ALS2: variants seen among roughly 807,000 people sequenced by gnomAD.
ALS2 encodes the protein alsin.
Under a neutral mutation model 203.4 loss-of-function variants are expected in ALS2, and 117 were observed. That is an observed-to-expected ratio of 0.58 (90% confidence interval 0.50 to 0.67). The LOEUF is 0.67. ALS2 is among the 30% of genes least tolerant of loss of function. The pLI is 0.00. For missense variants in ALS2, 1,715 were observed against 1,989.4 expected, an observed-to-expected ratio of 0.86 and a Z score of 2.62; for synonymous variants, 718 against 725.9, an observed-to-expected ratio of 0.99 and a Z score of 0.17.
Position 201,729,204 on chromosome 2 carries a change from AG to A in ALS2, c.2581-22del, listed in dbSNP as rs754172732. 5.8e-5 allele frequency: 93 copies of A among 1,608,738 alleles called. No homozygotes were observed. The African/African-American group carries it at 5.9e-4, about 10-fold the overall frequency. ...GATGCCTACAGGGCAAAAATTAAAGAGGAAAAAAAAAAAAAGAACATAAAAC... is the reference window on the plus strand; with the variant it reads ...GATGCCTACAGGGCAAAAATTAAAGAGAAAAAAAAAAAAAGAACATAAAAC... On this transcript the variant is annotated intron_variant, in intron 13 of 33. Coordinates refer to ENST00000264276, the MANE Select transcript of ALS2 (RefSeq NM_020919.4).
At chr2:201,745,944 G>C (rs1692613729) in intron 9 of ALS2, among the ~76,000 whole-genome samples, 1 of 152,044 alleles carries the variant, frequency 6.6e-6, no homozygotes, top group Non-Finnish European at 1.5e-5. Flanking sequence ...GCAAGACTCA[G>C]TCTCAAAAAA....
chr2:201,729,283 T>C (rs1401975438), intron 13 of ALS2, 100 bp from the exon 14 acceptor site: 5 of 1,373,044 alleles, frequency 3.6e-6, no homozygotes, highest in African/African-American at 2.9e-5. Flanking sequence ...GTATTAAATG[T>C]AGGAGAAAAT....
intron 12 of ALS2, among the ~76,000 whole-genome samples, chr2:201,737,465 T>C (rs775641180): frequency 2.6e-5 from 4 of 152,184 alleles, no homozygotes; most frequent in Non-Finnish European, 4.4e-5. Flanking sequence ...ATTATAAAAA[T>C]TCCTCTACAA....
chr2:201,727,384 T>C (rs1691252422), intron 16 of ALS2, 106 bp from the exon 17 acceptor site: 1 of 999,220 alleles, frequency 1.0e-6, no homozygotes, highest in South Asian at 1.3e-5. Flanking sequence ...GGAACAGAAA[T>C]CAATTAATGT....
At chr2:201,757,368 A>G (rs1419920877) in intron 5 of ALS2, 34 bp downstream of exon 5, 2 of 1,580,900 alleles carry the variant, frequency 1.3e-6, no homozygotes, top group Non-Finnish European at 1.7e-6. Flanking sequence ...GGATTCCCCA[A>G]AAGTCAATTC....
At chr2:201,746,533 G>T in intron 9 of ALS2, 33 bp downstream of exon 9, 2 of 1,610,892 alleles carry the variant, frequency 1.2e-6, no homozygotes, top group Non-Finnish European at 1.7e-6. Context: ...ATGTGTTACT[G>T]AATGTGGGCC....
chr2:201,730,840 T>A (rs527548265), intron 13 of ALS2, among the ~76,000 whole-genome samples: 52 of 152,386 alleles, frequency 3.4e-4, no homozygotes, highest in African/African-American at 1.2e-3. Context: ...CAGTGACTAC[T>A]AGTATAGTCT....
At chr2:201,736,659 A>G (rs1357025846) in intron 12 of ALS2, among the ~76,000 whole-genome samples, 1 of 152,110 alleles carries the variant, frequency 6.6e-6, no homozygotes, top group African/African-American at 2.4e-5. Flanking sequence ...TTTTGAAAAA[A>G]TTAATTTAAA....
chr2:201,708,502 C>G (rs1559032665), intron 27 of ALS2, among the ~76,000 whole-genome samples: 1 of 152,218 alleles, frequency 6.6e-6, no homozygotes, highest in African/African-American at 2.4e-5. Flanking sequence ...ATCACCTGAA[C>G]AGTGAACACT....
intron 4 of ALS2, chr2:201,760,260 A>C (rs1693678783): frequency 2.3e-6 from 2 of 868,286 alleles, no homozygotes; most frequent in African/African-American, 3.7e-5. Flanking sequence ...GCAGTGAGCC[A>C]CAATCGCATT....
chr2:201,734,399 C>T (rs182510444), intron 12 of ALS2, among the ~76,000 whole-genome samples: 10 of 150,712 alleles, frequency 6.6e-5, no homozygotes, highest in South Asian at 2.1e-4. Flanking sequence ...CATTTGAGCA[C>T]AGGAAGTTGA....
At position 201,760,433 on chromosome 2, in the gene ALS2, C is replaced by T; in HGVS notation, c.1113+448G>A. ...TGCCTGTAAGTTTTAAATCTGCCTA[C>T]AATTGAAGGATCTGCCACAAAACAA... is the stretch of plus-strand genomic sequence containing the variant. On this transcript the variant is annotated intron_variant, in intron 4 of 33. Coordinates refer to ENST00000264276, the MANE Select transcript of ALS2 (RefSeq NM_020919.4). 4 of 990,228 alleles carry T rather than the reference C, an allele frequency of 4.0e-6. No homozygotes were observed. The South Asian group carries it at 1.4e-4, about 34-fold the overall frequency. 61.3% of individuals were successfully genotyped at this position (990,228 alleles called of 1,614,324 possible).
In ALS2 at chr2:201,715,727, C is replaced by A; in HGVS notation, c.3949G>T (p.Ala1317Ser). The A allele has an allele frequency of 1.9e-6, 3 of 1,614,238 alleles. No homozygotes were observed. The highest frequency in any genetic ancestry group is 2.5e-6 in the Non-Finnish European group (3 of 1,180,036). Residue 1317 changes from alanine (A) to serine (S), a missense_variant, in exon 25 of 34, where the codon GCA (alanine) becomes TCA (serine). Ala to Ser is a moderately conservative substitution (Grantham distance 99). Coordinates refer to ENST00000264276, the MANE Select transcript of ALS2 (RefSeq NM_020919.4). ...EGPGQGEVWK[A>S]WDNIAVALTT... Reference sequence around the variant, plus strand: ...AAGGCCACAGCAATATTGTCCCATGCTTTCCAAACTTCCCCTTGGCCTGGG... The same window carrying A: ...AAGGCCACAGCAATATTGTCCCATGATTTCCAAACTTCCCCTTGGCCTGGG...
intron 3 of ALS2, among the ~76,000 whole-genome samples, chr2:201,766,012 C>T (rs1694059633): frequency 6.6e-6 from 1 of 152,106 alleles, no homozygotes; most frequent in Admixed American, 6.5e-5. Flanking sequence ...CATAAGGTAG[C>T]AGTGCAGATT....
chr2:201,768,105 C>T (rs1694194890), intron 2 of ALS2, among the ~76,000 whole-genome samples: 3 of 152,070 alleles, frequency 2.0e-5, no homozygotes, highest in Admixed American at 1.3e-4. Flanking sequence ...TTGATGAGAA[C>T]AATATGAGAA....
At position 201,757,682 on chromosome 2, in the gene ALS2, GACC is replaced by G. The variant is rs1319577658; in HGVS notation, c.1188_1190del (p.Val397del). On this transcript the variant is annotated inframe_deletion, in exon 5 of 34. Coordinates refer to ENST00000264276, the MANE Select transcript of ALS2 (RefSeq NM_020919.4). Reference sequence around the variant, plus strand: ...TCACACCAACAGCAGATGCACAAGAGACCACCAGGCTGTTTAGGGCTGAGGTGC... The same window carrying G: ...TCACACCAACAGCAGATGCACAAGAGACCAGGCTGTTTAGGGCTGAGGTGC... The G allele has an allele frequency of 7.4e-6, 12 of 1,613,878 alleles. No homozygotes were observed. Among genetic ancestry groups the G allele is most frequent in the African/African-American group, 1.3e-5 (1 of 74,926 alleles).
intron 1 of ALS2, among the ~76,000 whole-genome samples, chr2:201,778,287 G>T (rs910384620): frequency 1.3e-5 from 2 of 152,104 alleles, no homozygotes; most frequent in Non-Finnish European, 2.9e-5. Context: ...TCTTCTCTCT[G>T]GACATAATTC....
At chr2:201,775,030 T>C (rs1204716400) in intron 1 of ALS2, among the ~76,000 whole-genome samples, 1 of 152,252 alleles carries the variant, frequency 6.6e-6, no homozygotes, top group Non-Finnish European at 1.5e-5. Context: ...CCTAGTCTTA[T>C]TCTCCTGTCT....
intron 7 of ALS2, among the ~76,000 whole-genome samples, chr2:201,752,269 A>G (rs191993732): frequency 3.5e-4 from 53 of 152,288 alleles, no homozygotes; most frequent in African/African-American, 1.3e-3. Context: ...TTTGCATCAT[A>G]TGGGTTATAT....
Sources: gnomAD v4.1 joint callset for allele counts (sites outside exome capture counted in the v4.1 genomes callset) on GRCh38, gnomAD v4.1.1 for gene constraint, MANE v1.5 for transcripts, NCBI Gene and HGNC (gene_info 2026-07-23, HGNC 2026-07-21) for gene names.